The following MAP7D2 variants were observed in gnomAD, a reference collection of about 807,000 sequenced individuals.
MAP7D2 encodes the protein MAP7 domain-containing protein 2.
MAP7D2 carries 33 observed loss-of-function variants against 63.5 expected under a neutral mutation model. The ratio of observed to expected loss-of-function variants is 0.52; its 90% confidence interval spans 0.39 to 0.70. The LOEUF is 0.70. Among genes scored for constraint, MAP7D2 ranks in the 30% least tolerant of loss-of-function variants. The pLI is 0.00. For synonymous variants in MAP7D2, 224 were observed against 223.7 expected, an observed-to-expected ratio of 1.00 and a Z score of -0.01; for missense variants, 626 against 604.0, an observed-to-expected ratio of 1.04 and a Z score of -0.38.
chrX:20,092,528 T>C (rs2066097687), intron 1 of MAP7D2, among the ~76,000 whole-genome samples: 1 of 112,313 alleles, frequency 8.9e-6, no homozygotes, highest in Non-Finnish European at 1.9e-5. Context: ...TGTCCACTTA[T>C]TCTCCCTAGT....
intron 8 of MAP7D2, among the ~76,000 whole-genome samples, chrX:20,029,018 T>G (rs774749895): frequency 8.9e-6 from 1 of 111,921 alleles, no homozygotes. Flanking sequence ...TTTCTCTGAT[T>G]GGTGAGAATG....
At chrX:20,044,236 C>G (rs1040219286) in intron 7 of MAP7D2, 128 bp downstream of exon 7, 62 of 699,880 alleles carry the variant, frequency 8.9e-5, no homozygotes, top group Non-Finnish European at 1.2e-4. Context: ...CTAAATCTAC[C>G]CTTTCCTGCT....
chrX:20,102,777 T>C (rs1474822055), intron 1 of MAP7D2, among the ~76,000 whole-genome samples: 1 of 49,491 alleles, frequency 2.0e-5, no homozygotes, highest in Non-Finnish European at 3.7e-5. Flanking sequence ...ATGGGCGGGG[T>C]GGGGGGGAGT....
chrX:20,100,211 A>T (rs762857648), intron 1 of MAP7D2, among the ~76,000 whole-genome samples: 2 of 112,290 alleles, frequency 1.8e-5, no homozygotes, highest in Non-Finnish European at 3.8e-5. Flanking sequence ...TATAATGCTT[A>T]TAAGTTGCAA....
intron 1 of MAP7D2, among the ~76,000 whole-genome samples, chrX:20,073,532 C>CTTTTTT (rs1335817629): frequency 1.1e-5 from 1 of 94,987 alleles, no homozygotes; most frequent in African/African-American, 3.8e-5. Flanking sequence ...CTTTTCTTTT[C>CTTTTTT]TTTTTTTTTT....
chrX:20,087,814 T>C (rs1210101324), intron 1 of MAP7D2, among the ~76,000 whole-genome samples: 1 of 109,518 alleles, frequency 9.1e-6, no homozygotes, highest in Non-Finnish European at 1.9e-5. Flanking sequence ...ATGTCACAAG[T>C]CAACTGGGGA....
chrX:20,095,034 C>T (rs111885254), intron 1 of MAP7D2, among the ~76,000 whole-genome samples: 18,770 of 106,846 alleles, frequency 0.18, 1,356 homozygotes, highest in Non-Finnish European at 0.19. Context: ...GATCATACCA[C>T]TGCATTCCAG....
intron 8 of MAP7D2, among the ~76,000 whole-genome samples, chrX:20,037,353 C>CA (rs1372981476): frequency 9.0e-6 from 1 of 111,730 alleles, no homozygotes; most frequent in Non-Finnish European, 1.9e-5. Context: ...AAGCAAATTA[C>CA]ATGAGGAAGT....
intron 1 of MAP7D2, among the ~76,000 whole-genome samples, chrX:20,106,422 C>T (rs2060213177): frequency 8.9e-6 from 1 of 112,354 alleles, no homozygotes. Flanking sequence ...TTTCCATTTC[C>T]TCTACATTCA....
chrX:20,009,147 G>A (rs936901176), intron 16 of MAP7D2, among the ~76,000 whole-genome samples: 16 of 111,363 alleles, frequency 1.4e-4, no homozygotes, highest in African/African-American at 5.2e-4. Context: ...CAAGAACCAA[G>A]AGAAATGGGC....
At chrX:20,040,949 C>A (rs781062148) in intron 8 of MAP7D2, among the ~76,000 whole-genome samples, 271 of 110,610 alleles carry the variant, frequency 2.5e-3, no homozygotes, top group African/African-American at 6.8e-3. Context: ...ACAACAACAA[C>A]AAAAAAAACC....
At chrX:20,106,590 C>T (rs1001187966) in intron 1 of MAP7D2, among the ~76,000 whole-genome samples, 1 of 112,009 alleles carries the variant, frequency 8.9e-6, no homozygotes, top group African/African-American at 3.2e-5. Context: ...AGGTCAGTGC[C>T]GTACAATACA....
At chrX:20,031,029 G>A (rs1365515114) in intron 8 of MAP7D2, among the ~76,000 whole-genome samples, 2 of 111,928 alleles carry the variant, frequency 1.8e-5, no homozygotes, top group African/African-American at 3.2e-5. Context: ...AGTGGCTCAC[G>A]CCTGTAATCC....
At chrX:20,097,098 G>C (rs925604584) in intron 1 of MAP7D2, among the ~76,000 whole-genome samples, 6 of 111,263 alleles carry the variant, frequency 5.4e-5, no homozygotes, top group Non-Finnish European at 1.1e-4. Flanking sequence ...TTTTTGCAAT[G>C]ACAGAAGTGT....
intron 1 of MAP7D2, among the ~76,000 whole-genome samples, chrX:20,104,605 A>G (rs2066519885): frequency 8.9e-6 from 1 of 112,527 alleles, no homozygotes; most frequent in South Asian, 3.7e-4. Context: ...CTGGCCTAGA[A>G]TTAGTGATTT....
At chrX:20,052,417 T>C (rs1183257930) in intron 5 of MAP7D2, 2 of 292,950 alleles carry the variant, frequency 6.8e-6, no homozygotes, top group East Asian at 2.1e-4. Context: ...ATCTACAAAA[T>C]GGGCAGGCCT....
chrX:20,026,485 G>A (rs1359150133), intron 8 of MAP7D2, among the ~76,000 whole-genome samples: 6 of 111,422 alleles, frequency 5.4e-5, no homozygotes, highest in African/African-American at 2.0e-4. Context: ...CAGGTGACTC[G>A]TATAAATGGA....
intron 8 of MAP7D2, among the ~76,000 whole-genome samples, chrX:20,040,864 C>T (rs145361736): frequency 0.013 from 1,469 of 111,137 alleles, 10 homozygotes; most frequent in Non-Finnish European, 0.021. Flanking sequence ...AGTGAGCACA[C>T]ACTATTGGAA....
intron 1 of MAP7D2, among the ~76,000 whole-genome samples, chrX:20,098,962 A>C: frequency 8.9e-6 from 1 of 112,823 alleles, no homozygotes; most frequent in Non-Finnish European, 1.9e-5. Flanking sequence ...ACACTACTCA[A>C]GGTCCAGGTG....
Sources: gnomAD v4.1 joint callset for allele counts (sites outside exome capture counted in the v4.1 genomes callset) on GRCh38, gnomAD v4.1.1 for gene constraint, MANE v1.5 for transcripts, NCBI Gene and HGNC (gene_info 2026-07-23, HGNC 2026-07-21) for gene names.